Variants in DOCK1 observed in about 807,000 individuals in gnomAD.
DOCK1 encodes dedicator of cytokinesis 1.
In DOCK1, 138 loss-of-function variants were observed where a neutral mutation model predicts 262.7. The observed-to-expected ratio is 0.53, with a 90% CI of 0.46 to 0.61. The LOEUF (loss-of-function observed/expected upper bound fraction) is 0.61. Among genes scored for constraint, DOCK1 ranks in the 20% least tolerant of loss-of-function variants. The pLI, the probability that DOCK1 is intolerant of heterozygous loss-of-function variation, is 0.00. For synonymous variants in DOCK1, 866 were observed against 867.4 expected (o/e 1.00, Z 0.03); for missense variants, 1,908 against 2,370.7 (o/e 0.80, Z 4.05).
chr10:127,357,453 G>A (rs751700338), intron 32 of DOCK1, among the ~76,000 whole-genome samples: 15 of 152,240 alleles, frequency 9.9e-5, no homozygotes, highest in Non-Finnish European at 1.6e-4. Context: ...ATACACTTGG[G>A]TCTGACACAG....
chr10:127,150,241 G>A (rs560971867), intron 27 of DOCK1, among the ~76,000 whole-genome samples: 14 of 152,234 alleles, frequency 9.2e-5, no homozygotes, highest in Admixed American at 4.6e-4. Flanking sequence ...CTTTTCTACC[G>A]AAGAAACTTC....
intron 46 of DOCK1, among the ~76,000 whole-genome samples, chr10:127,421,017 A>G (rs1193830565): frequency 1.3e-5 from 2 of 151,762 alleles, no homozygotes; most frequent in African/African-American, 2.4e-5. Context: ...CCGGGGTTCA[A>G]GTGATTCTCC....
At chr10:126,926,845 A>G (rs549591121) in intron 1 of DOCK1, among the ~76,000 whole-genome samples, 2 of 152,214 alleles carry the variant, frequency 1.3e-5, no homozygotes, top group African/African-American at 2.4e-5. Flanking sequence ...TGGAGGGAGC[A>G]TGGCCCTGTA....
chr10:127,292,234 G>A (rs1023131844), intron 29 of DOCK1, among the ~76,000 whole-genome samples: 1 of 151,958 alleles, frequency 6.6e-6, no homozygotes, highest in Admixed American at 6.6e-5. Context: ...GGGGGAGGGG[G>A]GGCCCACTTC....
At chr10:127,214,524 C>T (rs906023760) in intron 27 of DOCK1, among the ~76,000 whole-genome samples, 13 of 152,184 alleles carry the variant, frequency 8.5e-5, no homozygotes, top group South Asian at 4.1e-4. Context: ...GTGGTCCATT[C>T]GTTTTCTTAG....
At chr10:127,282,476 G>T (rs1338080483) in intron 29 of DOCK1, among the ~76,000 whole-genome samples, 1 of 152,208 alleles carries the variant, frequency 6.6e-6, no homozygotes, top group Non-Finnish European at 1.5e-5. Context: ...TAGAAATTGA[G>T]CAGCCTGCTT....
At chr10:127,355,884 CT>C (rs2064120603) in intron 32 of DOCK1, among the ~76,000 whole-genome samples, 1 of 152,186 alleles carries the variant, frequency 6.6e-6, no homozygotes, top group African/African-American at 2.4e-5. Context: ...CCTTGCCATT[CT>C]TTGGTTTGAC....
intron 27 of DOCK1, among the ~76,000 whole-genome samples, chr10:127,139,186 G>A (rs34453203): frequency 0.28 from 42,689 of 151,986 alleles, 6,275 homozygotes; most frequent in South Asian, 0.36. Flanking sequence ...CAGTGGAACC[G>A]TAAACCATTT....
At chr10:127,352,222 G>A (rs1159078711) in intron 31 of DOCK1, among the ~76,000 whole-genome samples, 5 of 93,658 alleles carry the variant, frequency 5.3e-5, no homozygotes, top group Non-Finnish European at 1.1e-4. Context: ...GGGGAGCATC[G>A]GGGAGGGGTG....
At chr10:127,130,065 CTTTTTTTTTTTTTTTTTT>C (rs74721427) in intron 27 of DOCK1, among the ~76,000 whole-genome samples, 7 of 117,550 alleles carry the variant, frequency 6.0e-5, no homozygotes, top group Admixed American at 8.6e-5. Flanking sequence ...TTAGGGTCTT[CTTTTTTTTTTTTTTTTTT>C]TTTTTTTTTT....
chr10:127,260,366 G>C (rs1327894813), intron 29 of DOCK1, among the ~76,000 whole-genome samples: 2 of 152,342 alleles, frequency 1.3e-5, no homozygotes, highest in East Asian at 1.9e-4. Context: ...AGTCCACCTT[G>C]TTCTCTTGTT....
At chr10:127,112,165 C>T (rs528750828) in intron 25 of DOCK1, among the ~76,000 whole-genome samples, 4 of 152,286 alleles carry the variant, frequency 2.6e-5, no homozygotes, top group African/African-American at 9.6e-5. Flanking sequence ...GCACCCACCA[C>T]CATGCCTAGC....
At position 126,999,426 on chromosome 10, in the gene DOCK1, C is replaced by T. The variant is rs368749917; in HGVS notation, c.840C>T (p.Ala280=). Residue 280 remains alanine (A), a synonymous_variant, in exon 9 of 52, where the codon GCC becomes GCT. Coordinates refer to ENST00000623213, the MANE Select transcript of DOCK1 (RefSeq NM_001290223.2). Reference sequence around the variant, plus strand: ...TAGACAGATTACATAATTTGCGAGCCGTGTTTACTGTAAGTGCACCCAAAG... The same window carrying T: ...TAGACAGATTACATAATTTGCGAGCTGTGTTTACTGTAAGTGCACCCAAAG... The part of the protein sequence containing the change: ...KDIDRLHNLR[A]VFTDLGSKDL... 215 of 1,612,922 alleles carry T rather than the reference C, an allele frequency of 1.3e-4. 1 individual carries two copies. In the Middle Eastern group the frequency reaches 2.5e-3, roughly 19 times the overall value.
intron 29 of DOCK1, among the ~76,000 whole-genome samples, chr10:127,305,049 A>C (rs910388797): frequency 2.0e-5 from 3 of 152,054 alleles, no homozygotes; most frequent in African/African-American, 7.2e-5. Context: ...TTCTGCCTAC[A>C]ATTTTTTAAA....
intron 10 of DOCK1, among the ~76,000 whole-genome samples, chr10:127,006,899 C>T (rs1254968675): frequency 6.6e-6 from 1 of 152,066 alleles, no homozygotes. Context: ...GGTCAGACTC[C>T]CTTGGTTCTG....
At chr10:127,145,794 T>G in intron 27 of DOCK1, 1 of 320,564 alleles carries the variant, frequency 3.1e-6, no homozygotes, top group South Asian at 2.4e-5. Context: ...TGATACCCAT[T>G]GAGAGCATCA....
At chr10:126,949,172 T>C (rs2035941970) in intron 1 of DOCK1, among the ~76,000 whole-genome samples, 1 of 151,982 alleles carries the variant, frequency 6.6e-6, no homozygotes, top group Non-Finnish European at 1.5e-5. Flanking sequence ...TCCATCTCCA[T>C]TGATTCCCGA....
chr10:127,375,316 TTCC>T (rs1315803272), intron 35 of DOCK1, among the ~76,000 whole-genome samples: 1 of 152,248 alleles, frequency 6.6e-6, no homozygotes, highest in Non-Finnish European at 1.5e-5. Flanking sequence ...TAGTAGGGCT[TTCC>T]TCAAGTTTCC....
chr10:127,248,500 T>G (rs761237941), intron 28 of DOCK1, among the ~76,000 whole-genome samples: 18 of 152,222 alleles, frequency 1.2e-4, no homozygotes, highest in Non-Finnish European at 2.5e-4. Flanking sequence ...CTTTTCAGCT[T>G]TAAGTTGTAC....
Sources: gnomAD v4.1 joint callset for allele counts (sites outside exome capture counted in the v4.1 genomes callset) on GRCh38, gnomAD v4.1.1 for gene constraint, MANE v1.5 for transcripts, NCBI Gene and HGNC (gene_info 2026-07-23, HGNC 2026-07-21) for gene names.